Variants in NAV2 observed in about 807,000 individuals in gnomAD.
NAV2 encodes helicase, APC down-regulated 1.
A neutral mutation model predicts 223.2 loss-of-function variants in NAV2; 54 were observed. That is an observed-to-expected ratio of 0.24 (90% confidence interval 0.19 to 0.30). NAV2 has a LOEUF of 0.30. NAV2 is among the 10% of genes least tolerant of loss of function. The pLI is 1.00. For synonymous variants in NAV2, 1,279 were observed against 1,239.3 expected (o/e 1.03, Z -0.67); for missense variants, 2,806 against 3,147.5 (o/e 0.89, Z 2.60).
chr11:19,635,039 G>C (rs183879154), intron 1 of NAV2, among the ~76,000 whole-genome samples: 1 of 152,360 alleles, frequency 6.6e-6, no homozygotes, highest in East Asian at 1.9e-4. Flanking sequence ...TGCTCATGAA[G>C]TGGTCCTGCG....
chr11:19,680,518 GCA>G (rs944400466), intron 1 of NAV2, among the ~76,000 whole-genome samples: 12 of 152,094 alleles, frequency 7.9e-5, no homozygotes, highest in African/African-American at 2.9e-4. Context: ...CCCCTCACCC[GCA>G]CACACAGGAG....
At chr11:19,779,008 G>A (rs946541999) in intron 1 of NAV2, among the ~76,000 whole-genome samples, 3 of 152,178 alleles carry the variant, frequency 2.0e-5, no homozygotes, top group African/African-American at 7.2e-5. Flanking sequence ...CCAGGGGATG[G>A]CTTCTGGAGC....
chr11:19,686,698 G>C (rs1366844576), intron 1 of NAV2, among the ~76,000 whole-genome samples: 2 of 152,234 alleles, frequency 1.3e-5, no homozygotes, highest in African/African-American at 4.8e-5. Flanking sequence ...ATCATGGAGA[G>C]AGCTCCACAG....
chr11:19,766,123 T>C (rs2055202626), intron 1 of NAV2, among the ~76,000 whole-genome samples: 1 of 151,886 alleles, frequency 6.6e-6, no homozygotes. Flanking sequence ...TTTTTAATTA[T>C]ATAATATATA....
intron 10 of NAV2, among the ~76,000 whole-genome samples, chr11:19,964,809 CTTTTTTTTTTT>C (rs71050695): frequency 1.7e-5 from 1 of 57,524 alleles, no homozygotes; most frequent in African/African-American, 7.3e-5. Flanking sequence ...CCTCATTCTA[CTTTTTTTTTTT>C]TTTTTTTTTT....
At chr11:19,410,351 T>C (rs1274089274) in intron 1 of NAV2, among the ~76,000 whole-genome samples, 1 of 152,240 alleles carries the variant, frequency 6.6e-6, no homozygotes, top group African/African-American at 2.4e-5. Context: ...GCTTAAATAA[T>C]GTTAAGTGTG....
At chr11:19,992,928 A>G (rs953274517) in intron 11 of NAV2, among the ~76,000 whole-genome samples, 1 of 152,180 alleles carries the variant, frequency 6.6e-6, no homozygotes, top group African/African-American at 2.4e-5. Flanking sequence ...ACTGTTCAAC[A>G]GTTGTTTAAA....
At chr11:19,936,422 A>G (rs2045911555) in intron 7 of NAV2, among the ~76,000 whole-genome samples, 2 of 152,186 alleles carry the variant, frequency 1.3e-5, no homozygotes, top group South Asian at 4.1e-4. Context: ...CTATCAGAAG[A>G]AAAAGTCTTA....
chr11:19,831,229 G>GA (rs1281262051), intron 1 of NAV2, among the ~76,000 whole-genome samples: 1 of 100,068 alleles, frequency 1.0e-5, no homozygotes, highest in African/African-American at 3.8e-5. Context: ...GTTGCGGGGG[G>GA]GGGGGGGGCG....
chr11:19,985,055 A>G (rs2050654611), intron 11 of NAV2, among the ~76,000 whole-genome samples: 1 of 152,242 alleles, frequency 6.6e-6, no homozygotes, highest in Non-Finnish European at 1.5e-5. Context: ...GGTTGATGAG[A>G]TGTAACATGG....
At chr11:19,418,073 C>A (rs1303807841) in intron 1 of NAV2, among the ~76,000 whole-genome samples, 1 of 152,084 alleles carries the variant, frequency 6.6e-6, no homozygotes, top group African/African-American at 2.4e-5. Flanking sequence ...ACCTATGTAA[C>A]AAACCTGCAT....
At chr11:20,100,766 G>T (rs910682543) in intron 31 of NAV2, among the ~76,000 whole-genome samples, 171 bp from the exon 32 acceptor site, 7 of 152,150 alleles carry the variant, frequency 4.6e-5, no homozygotes, top group African/African-American at 1.7e-4. Flanking sequence ...ACTTCCTAGA[G>T]CAGCAGCACT....
intron 19 of NAV2, among the ~76,000 whole-genome samples, chr11:20,057,069 T>C (rs1056364670): frequency 3.3e-5 from 5 of 152,134 alleles, no homozygotes; most frequent in Admixed American, 6.5e-5. Context: ...CTGAGGACTA[T>C]ACATCTGGTT....
At chr11:19,825,918 G>C (rs2059623273) in intron 1 of NAV2, among the ~76,000 whole-genome samples, 1 of 152,166 alleles carries the variant, frequency 6.6e-6, no homozygotes, top group African/African-American at 2.4e-5. Context: ...CTGTTTAGCT[G>C]TCTTAGCTTT....
intron 4 of NAV2, among the ~76,000 whole-genome samples, chr11:19,873,878 G>A (rs1423850091): frequency 6.6e-6 from 1 of 152,170 alleles, no homozygotes; most frequent in African/African-American, 2.4e-5. Flanking sequence ...GGAGGGGCAA[G>A]TTAAGTGGTG....
intron 1 of NAV2, among the ~76,000 whole-genome samples, chr11:19,771,053 A>G (rs2055680386): frequency 1.3e-5 from 2 of 152,184 alleles, no homozygotes; most frequent in South Asian, 4.1e-4. Context: ...CTGGAAAATT[A>G]GGGAGTAGGA....
chr11:20,093,206 T>C lies in NAV2; in HGVS notation c.5916+7T>C. 6.3e-7 allele frequency: 1 copy of C among 1,594,398 alleles called. No homozygotes were observed. Among genetic ancestry groups the C allele is most frequent in the South Asian group, 1.1e-5 (1 of 90,564 alleles). On this transcript the variant is annotated splice_region_variant and intron_variant, in intron 29 of 37. Transcript: ENST00000349880. ...GGAAATGAAGTGGAAGGAGGTTAGT[T>C]GGATCCCTTTCCCTGCTTTGCCTGT...
chr11:19,764,690 T>C (rs866905199), intron 1 of NAV2, among the ~76,000 whole-genome samples: 1 of 152,224 alleles, frequency 6.6e-6, no homozygotes, highest in Non-Finnish European at 1.5e-5. Context: ...ATCATCATTC[T>C]TTATGTTATA....
intron 9 of NAV2, among the ~76,000 whole-genome samples, chr11:19,947,391 G>A (rs1244480463): frequency 1.3e-5 from 2 of 152,200 alleles, no homozygotes; most frequent in African/African-American, 2.4e-5. Context: ...AGTAAACTCG[G>A]GGGTTTGGGG....
Sources: gnomAD v4.1 joint callset for allele counts (sites outside exome capture counted in the v4.1 genomes callset) on GRCh38, gnomAD v4.1.1 for gene constraint, MANE v1.5 for transcripts, NCBI Gene and HGNC (gene_info 2026-07-23, HGNC 2026-07-21) for gene names.